Variants in GRIK4 observed in about 807,000 individuals in gnomAD.
The protein encoded by GRIK4 is glutamate ionotropic receptor kainate type subunit 4, also known as glutamate receptor ionotropic, kainate 4.
Under a neutral mutation model 104.9 loss-of-function variants are expected in GRIK4, and 40 were observed. The observed-to-expected ratio is 0.38, with a 90% confidence interval of 0.30 to 0.50. The LOEUF is 0.50. Ranked by LOEUF, GRIK4 falls within the 20% of genes least tolerant of loss-of-function variation. The pLI, the probability that GRIK4 is intolerant of heterozygous loss-of-function variation, is 0.93. For synonymous variants in GRIK4, 485 were observed against 524.9 expected, an observed-to-expected ratio of 0.92 and a Z score of 1.04; for missense variants, 1,047 against 1,308.1, an observed-to-expected ratio of 0.80 and a Z score of 3.08.
intron 1 of GRIK4, among the ~76,000 whole-genome samples, chr11:120,526,421 C>T (rs1046848682): frequency 5.3e-5 from 8 of 152,222 alleles, no homozygotes; most frequent in African/African-American, 1.9e-4. Context: ...CCGGCTTGAA[C>T]TTCTGGGCTC....
At chr11:120,551,806 T>TA (rs1054107145) in intron 1 of GRIK4, among the ~76,000 whole-genome samples, 7 of 151,654 alleles carry the variant, frequency 4.6e-5, no homozygotes, top group African/African-American at 1.7e-4. Context: ...AATAAATAAA[T>TA]AAAATTTTAT....
chr11:120,587,684 C>T (rs944023020), intron 1 of GRIK4, among the ~76,000 whole-genome samples: 4 of 152,128 alleles, frequency 2.6e-5, no homozygotes, highest in Admixed American at 6.6e-5. Flanking sequence ...CATCCTAGAC[C>T]GTTTGCAAGG....
At chr11:120,831,678 C>T (rs1178496602) in intron 6 of GRIK4, among the ~76,000 whole-genome samples, 174 bp from the exon 7 acceptor site, 3 of 152,062 alleles carry the variant, frequency 2.0e-5, no homozygotes, top group African/African-American at 7.2e-5. Context: ...CATTGAAGCC[C>T]AAAGAGGCTG....
chr11:120,568,287 A>G (rs937989659), intron 1 of GRIK4, among the ~76,000 whole-genome samples: 1 of 152,216 alleles, frequency 6.6e-6, no homozygotes, highest in Non-Finnish European at 1.5e-5. Context: ...TTCTCCTGGT[A>G]TCCTGCCTGA....
At chr11:120,516,965 C>G (rs2136070211) in intron 1 of GRIK4, among the ~76,000 whole-genome samples, 1 of 128,696 alleles carries the variant, frequency 7.8e-6, no homozygotes, top group Middle Eastern at 3.8e-3. Context: ...TGTGCAGGAA[C>G]AGGCCTGGGG....
chr11:120,743,160 G>A (rs372164531), intron 3 of GRIK4, among the ~76,000 whole-genome samples: 8 of 151,796 alleles, frequency 5.3e-5, no homozygotes, highest in African/African-American at 1.9e-4. Flanking sequence ...AACCCAGGAG[G>A]CGGAGGCTGC....
At chr11:120,620,161 G>T (rs188253410) in intron 1 of GRIK4, 19 of 841,716 alleles carry the variant, frequency 2.3e-5, no homozygotes, top group Non-Finnish European at 4.0e-5. Context: ...TGATGTTAAT[G>T]CATGTTCTCT....
chr11:120,831,890 A>G lies in GRIK4; in HGVS notation c.550A>G (p.Ile184Val), dbSNP rs761984594. The G allele has an allele frequency of 6.2e-7, 1 of 1,613,708 alleles. No individual in the cohort carries two copies. Among genetic ancestry groups the G allele is most frequent in the South Asian group, 1.1e-5 (1 of 91,054 alleles). ...AGAGAAGCTGCTCCGGCAATTCCTT[A>G]TCTCCAAGGACACGCTGTCCGTCCG... ...NLEKLLRQFL[I>V]SKDTLSVRML... Residue 184 changes from isoleucine to valine, a missense_variant, in exon 7 of 21, where the codon ATC becomes GTC. Physicochemically the swap from Ile to Val is conservative, Grantham distance 29. Around this residue, in one of 3 missense-constraint regions of GRIK4, gnomAD observed 447 missense variants for 514.9 expected, o/e 0.87. Coordinates refer to ENST00000527524, the MANE Select transcript of GRIK4 (RefSeq NM_014619.5).
intron 3 of GRIK4, among the ~76,000 whole-genome samples, chr11:120,769,763 A>G (rs1363380333): frequency 1.3e-5 from 2 of 152,192 alleles, no homozygotes; most frequent in Non-Finnish European, 2.9e-5. Flanking sequence ...TAGGAAGTCA[A>G]CTTCAGTATG....
rs923341833 is a variant in GRIK4 at position 120,967,139 on chromosome 11, G to A, written c.2267-56G>A. The A allele has an allele frequency of 2.2e-5, 34 of 1,560,746 alleles. No homozygotes were observed. Among genetic ancestry groups the A allele is most frequent in the Admixed American group, 3.6e-5 (2 of 55,602 alleles). The stretch of plus-strand genomic sequence containing the variant: ...GGTGTGCCGGGAAGGGGAGCAGAGT[G>A]ACACCTAACAGGGCATTCACAACCT... On this transcript the variant is annotated intron_variant, in intron 18 of 20. Coordinates refer to ENST00000527524, the MANE Select transcript of GRIK4 (RefSeq NM_014619.5). The surrounding 1 kb of genome is among the most constrained non-coding windows in gnomAD (Gnocchi z 4.2).
chr11:120,801,850 A>G (rs1396917260), intron 3 of GRIK4, among the ~76,000 whole-genome samples: 1 of 152,104 alleles, frequency 6.6e-6, no homozygotes, highest in Non-Finnish European at 1.5e-5. Flanking sequence ...ACAATAGCCC[A>G]AGGCTCTCTC....
At chr11:120,897,668 A>G (rs1942623557) in intron 11 of GRIK4, among the ~76,000 whole-genome samples, 1 of 146,944 alleles carries the variant, frequency 6.8e-6, no homozygotes, top group South Asian at 2.2e-4. Flanking sequence ...CAATAAAATA[A>G]AAACAAAATA....
intron 1 of GRIK4, among the ~76,000 whole-genome samples, chr11:120,652,070 C>A (rs1240217788): frequency 1.3e-5 from 2 of 152,168 alleles, no homozygotes; most frequent in Non-Finnish European, 2.9e-5. Context: ...AACCTCTCCG[C>A]CTTTGAGTTC....
chr11:120,660,609 G>A (rs977807190), intron 3 of GRIK4, among the ~76,000 whole-genome samples: 1 of 152,226 alleles, frequency 6.6e-6, no homozygotes, highest in African/African-American at 2.4e-5. Flanking sequence ...GAGCTCCCCG[G>A]CCACTAGAAT....
intron 1 of GRIK4, among the ~76,000 whole-genome samples, chr11:120,587,743 G>A (rs1948686190): frequency 6.6e-6 from 1 of 152,182 alleles, no homozygotes; most frequent in Admixed American, 6.5e-5. Flanking sequence ...TAGTCTTGGG[G>A]ATTTTAGGCC....
Position 120,988,682 on chromosome 11 carries a change from T to G in GRIK4, c.*2422T>G, listed in dbSNP as rs578083096. On this transcript the variant is annotated 3_prime_UTR_variant, in exon 21 of 21. Transcript: ENST00000527524. ...GTTTCCACTTTTTATCTGTTGGTTG[T>G]TGGCTTTCTTTTCCATTCTGTATTT... is the stretch of plus-strand genomic sequence containing the variant. The G allele has an allele frequency of 5.4e-4, 82 of 152,376 alleles. No homozygotes were observed. The highest frequency in any genetic ancestry group is 1.8e-3 in the African/African-American group (73 of 41,582). 9.4% of individuals were successfully genotyped at this position (152,376 alleles called of 1,614,324 possible).
Position 120,956,917 on chromosome 11 carries a change from C to G in GRIK4, c.1838C>G (p.Pro613Arg). The G allele has an allele frequency of 2.5e-6, 4 of 1,613,268 alleles. No homozygotes were observed. The highest frequency in any genetic ancestry group is 2.7e-5 in the African/African-American group (2 of 75,060). The change falls in exon 16 of 21, where the codon CCT becomes CGT. Residue 613 changes from proline to arginine, a missense_variant. By Grantham distance (103) the Pro-to-Arg change is moderately radical (BLOSUM62 -2). Transcript: ENST00000527524. This position sits in a 1 kb window ranked among gnomAD's most constrained non-coding sequence, Gnocchi z 4.6. ...GFMQQGSTIA[P>R]RALSTRCVSG... The stretch of plus-strand genomic sequence containing the variant: ...ATGCAGCAAGGCTCCACCATCGCCC[C>G]TCGCGCCTTATCCACCCGCTGTGTC...
intron 19 of GRIK4, among the ~76,000 whole-genome samples, chr11:120,973,969 A>C (rs1393351243): frequency 6.6e-6 from 1 of 151,358 alleles, no homozygotes; most frequent in East Asian, 1.9e-4. Flanking sequence ...GTGCAATGGC[A>C]CAATCTTGAC....
At chr11:120,577,435 A>C (rs1422202813) in intron 1 of GRIK4, among the ~76,000 whole-genome samples, 1 of 151,280 alleles carries the variant, frequency 6.6e-6, no homozygotes, top group East Asian at 1.9e-4. Flanking sequence ...ATAAAGGTGG[A>C]TGGGAGCCCA....
Sources: allele counts gnomAD v4.1 joint callset (sites outside exome capture counted in the v4.1 genomes callset), GRCh38; gene constraint gnomAD v4.1.1; regional missense constraint gnomAD v4.1.1; non-coding constraint Gnocchi (gnomAD v3.1); transcripts MANE v1.5; gene names NCBI Gene and HGNC (gene_info 2026-07-23, HGNC 2026-07-21).